MCC: variants seen among roughly 807,000 people sequenced by gnomAD.
MCC encodes colorectal mutant cancer protein.
A neutral mutation model predicts 116.2 loss-of-function variants in MCC; 90 were observed. That is an observed-to-expected ratio of 0.77 (90% CI 0.65 to 0.92). The LOEUF is 0.92. Ranked by LOEUF, MCC falls within the 40% of genes least tolerant of loss-of-function variation. The pLI is 0.00. For synonymous variants in MCC, 578 were observed against 510.5 expected, an observed-to-expected ratio of 1.13 and a Z score of -1.78; for missense variants, 1,516 against 1,312.2, an observed-to-expected ratio of 1.16 and a Z score of -2.40.
chr5:113,354,558 C>T (rs68189049), intron 2 of MCC, among the ~76,000 whole-genome samples: 19,878 of 151,300 alleles, frequency 0.13, 1,532 homozygotes, highest in African/African-American at 0.17. Flanking sequence ...TTTCAGCCTC[C>T]GGAGTACCTG....
chr5:113,131,938 A>C (rs1052991112), intron 5 of MCC, among the ~76,000 whole-genome samples: 1 of 152,070 alleles, frequency 6.6e-6, no homozygotes, highest in African/African-American at 2.4e-5. Context: ...AACCATATGC[A>C]CCCTCTTATC....
chr5:113,073,974 G>A (rs933985685), intron 11 of MCC, among the ~76,000 whole-genome samples: 4 of 152,218 alleles, frequency 2.6e-5, no homozygotes, highest in African/African-American at 9.6e-5. Context: ...TGAACAAAAG[G>A]CAGCAGACAA....
intron 7 of MCC, among the ~76,000 whole-genome samples, chr5:113,103,341 G>A (rs1414021971): frequency 6.6e-6 from 1 of 152,154 alleles, no homozygotes; most frequent in Non-Finnish European, 1.5e-5. Flanking sequence ...GGTTGGTAGA[G>A]GCCCTTGGCC....
chr5:113,318,299 G>C (rs567596532), intron 3 of MCC, among the ~76,000 whole-genome samples: 4 of 152,172 alleles, frequency 2.6e-5, no homozygotes, highest in Non-Finnish European at 5.9e-5. Context: ...AAACAGAGAT[G>C]CAAATTCCAA....
chr5:113,482,412 G>A (rs1161877867), intron 1 of MCC, among the ~76,000 whole-genome samples: 4 of 152,128 alleles, frequency 2.6e-5, no homozygotes, highest in African/African-American at 9.7e-5. Flanking sequence ...TTACATCCTT[G>A]TCAACACTTA....
rs529413644 is a variant in MCC at position 113,192,225 on chromosome 5, T to C, written c.628-40803A>G. Among the ~76,000 whole-genome samples the C allele has an allele frequency of 1.3e-3, 196 of 152,282 alleles. 1 individual carries two copies. Among genetic ancestry groups the C allele is most frequent in the Non-Finnish European group, 2.2e-3 (153 of 68,020 alleles). ...GTAACCAAAGACAATACCTGAAATG[T>C]TTTGGTAAGGCCAAGCTATTAGATC... On this transcript the variant is annotated intron_variant, in intron 3 of 18. Coordinates refer to ENST00000408903, the MANE Select transcript of MCC (RefSeq NM_001085377.2).
chr5:113,293,448 C>T (rs1766587613), intron 3 of MCC, among the ~76,000 whole-genome samples: 1 of 152,174 alleles, frequency 6.6e-6, no homozygotes, highest in African/African-American at 2.4e-5. Context: ...GAGGGAAACC[C>T]ACAGACACCA....
intron 3 of MCC, among the ~76,000 whole-genome samples, chr5:113,285,869 A>G (rs528775307): frequency 1.1e-3 from 167 of 152,312 alleles, no homozygotes; most frequent in African/African-American, 3.8e-3. Flanking sequence ...AAGGCACACA[A>G]TATTTGTTGA....
chr5:113,143,159 G>T, intron 5 of MCC, 59 bp downstream of exon 5: 1 of 1,513,412 alleles, frequency 6.6e-7, no homozygotes. Context: ...GGCTACTTCA[G>T]CTCCAAGATG....
chr5:113,096,067 GGTGAAGGGACAGTGCA>G (rs1464892515), intron 8 of MCC, among the ~76,000 whole-genome samples: 1 of 152,178 alleles, frequency 6.6e-6, no homozygotes, highest in Non-Finnish European at 1.5e-5. Flanking sequence ...AGATGACCCT[GGTGAAGGGACAGTGCA>G]GGGCAGGCTC....
intron 3 of MCC, among the ~76,000 whole-genome samples, chr5:113,185,542 AG>A (rs1428108809): frequency 2.6e-5 from 4 of 152,234 alleles, no homozygotes; most frequent in African/African-American, 9.6e-5. Flanking sequence ...GAAAGGCTAG[AG>A]AAAGCTACAC....
intron 2 of MCC, among the ~76,000 whole-genome samples, chr5:113,360,544 G>T (rs945772747): frequency 2.6e-5 from 4 of 152,186 alleles, no homozygotes; most frequent in African/African-American, 7.2e-5. Flanking sequence ...CACCAGTGAA[G>T]CTGTCTGGGC....
intron 3 of MCC, among the ~76,000 whole-genome samples, chr5:113,287,231 C>T (rs909698271): frequency 7.5e-5 from 11 of 146,624 alleles, no homozygotes; most frequent in African/African-American, 2.9e-4. Context: ...CTTGCCAACA[C>T]AAACCCCTCC....
intron 1 of MCC, among the ~76,000 whole-genome samples, chr5:113,413,759 G>A (rs1385457668): frequency 2.0e-5 from 3 of 151,948 alleles, no homozygotes; most frequent in Non-Finnish European, 4.4e-5. Context: ...GTTTTTTTGT[G>A]TCTCTATCTC....
In MCC at chr5:113,104,270, G is replaced by A. The variant is rs772010809; in HGVS notation, c.1113C>T (p.Cys371=). ...NVVCGRKKSS[C]SLSVAEVDKH... ...TGTCCACCTCGGCCACGGAGAGGCT[G>A]CAGCTGCTCTTCTTCCTGCCGCAGA... Residue 371 remains cysteine, a synonymous_variant, in exon 7 of 19, where the codon TGC becomes TGT. Coordinates refer to ENST00000408903, the MANE Select transcript of MCC (RefSeq NM_001085377.2). 1.2e-6 allele frequency: 2 copies of A among 1,614,072 alleles called. No homozygotes were observed. The highest frequency in any genetic ancestry group is 1.7e-6 in the Non-Finnish European group (2 of 1,180,012).
intron 3 of MCC, among the ~76,000 whole-genome samples, chr5:113,165,154 C>G (rs1760702082): frequency 6.6e-6 from 1 of 152,208 alleles, no homozygotes; most frequent in Non-Finnish European, 1.5e-5. Context: ...AGCTACAACA[C>G]AATGCAAGTC....
intron 8 of MCC, among the ~76,000 whole-genome samples, chr5:113,086,652 G>T (rs1427731910): frequency 6.6e-6 from 1 of 152,178 alleles, no homozygotes; most frequent in Non-Finnish European, 1.5e-5. Context: ...AGTAGCTGAA[G>T]AGAGTTGCTA....
intron 1 of MCC, among the ~76,000 whole-genome samples, chr5:113,402,032 C>T (rs548845934): frequency 6.6e-5 from 10 of 151,718 alleles, no homozygotes; most frequent in Non-Finnish European, 1.3e-4. Context: ...CGGTGGCTCA[C>T]GCCTGTAATC....
At chr5:113,386,362 A>G (rs568502099) in intron 1 of MCC, among the ~76,000 whole-genome samples, 3 of 152,192 alleles carry the variant, frequency 2.0e-5, no homozygotes, top group Non-Finnish European at 4.4e-5. Flanking sequence ...CAATGTCACT[A>G]TGGTCTCTCT....
Sources: gnomAD v4.1 joint callset for allele counts (sites outside exome capture counted in the v4.1 genomes callset) on GRCh38, gnomAD v4.1.1 for gene constraint, MANE v1.5 for transcripts, NCBI Gene and HGNC (gene_info 2026-07-23, HGNC 2026-07-21) for gene names.